Variants in GALNT13 observed in about 807,000 individuals in gnomAD.
GALNT13 encodes the protein polypeptide N-acetylgalactosaminyltransferase 13.
In GALNT13, 28 loss-of-function variants were observed where a neutral mutation model predicts 64.2. The ratio of observed to expected loss-of-function variants is 0.44; its 90% CI spans 0.32 to 0.60. The LOEUF (loss-of-function observed/expected upper bound fraction) is 0.60. Ranked by LOEUF, GALNT13 falls within the 20% of genes least tolerant of loss-of-function variation. The pLI, the probability that GALNT13 is intolerant of heterozygous loss-of-function variation, is 0.05. For missense variants in GALNT13, 577 were observed against 669.8 expected, an observed-to-expected ratio of 0.86 and a Z score of 1.53; for synonymous variants, 214 against 224.6, an observed-to-expected ratio of 0.95 and a Z score of 0.42.
At chr2:154,036,921 C>T (rs766043953) in intron 3 of GALNT13, among the ~76,000 whole-genome samples, 14 of 151,940 alleles carry the variant, frequency 9.2e-5, no homozygotes, top group Non-Finnish European at 1.5e-4. Context: ...AAAAATCTCC[C>T]CAAGTGATCC....
At chr2:153,757,262 A>G in the GALNT13 span, among the ~76,000 whole-genome samples, 1 of 152,148 alleles carries the variant, frequency 6.6e-6, no homozygotes, top group Non-Finnish European at 1.5e-5. Context: ...ATACAAGAAC[A>G]TGTGGCCTTT....
intron 12 of GALNT13, chr2:154,446,885 G>C (rs1559160114): frequency 1.0e-6 from 1 of 996,980 alleles, no homozygotes. Flanking sequence ...TCTCCATGGA[G>C]TTAACTCTCT....
At chr2:153,083,751 A>G in the GALNT13 span, among the ~76,000 whole-genome samples, 2 of 152,154 alleles carry the variant, frequency 1.3e-5, no homozygotes, top group African/African-American at 4.8e-5. Context: ...ATGAAGTCCC[A>G]TCTATTTACC....
chr2:153,698,643 G>T, the GALNT13 span, among the ~76,000 whole-genome samples: 2 of 152,008 alleles, frequency 1.3e-5, no homozygotes, highest in Non-Finnish European at 2.9e-5. Flanking sequence ...AATAACAGTG[G>T]GAGACTTTAA....
At chr2:153,229,981 T>G in the GALNT13 span, among the ~76,000 whole-genome samples, 1 of 152,218 alleles carries the variant, frequency 6.6e-6, no homozygotes, top group Non-Finnish European at 1.5e-5. Context: ...TGCTCCAGTT[T>G]TCTGAGGTTA....
the GALNT13 span, among the ~76,000 whole-genome samples, chr2:153,640,093 T>A: frequency 6.6e-6 from 1 of 152,148 alleles, no homozygotes; most frequent in Non-Finnish European, 1.5e-5. Flanking sequence ...CTAGTAATGG[T>A]GACATGGAGG....
At chr2:153,569,879 C>T in the GALNT13 span, among the ~76,000 whole-genome samples, 7 of 152,268 alleles carry the variant, frequency 4.6e-5, no homozygotes, top group East Asian at 1.2e-3. Flanking sequence ...CGTCCTTCTG[C>T]TCTCTATGTC....
At chr2:153,279,591 AG>A in the GALNT13 span, among the ~76,000 whole-genome samples, 6 of 45,342 alleles carry the variant, frequency 1.3e-4, no homozygotes, top group Non-Finnish European at 3.4e-4. Context: ...TTTTATTGAA[AG>A]ATTTTTTTCT....
chr2:153,650,676 A>T, the GALNT13 span, among the ~76,000 whole-genome samples: 1 of 152,212 alleles, frequency 6.6e-6, no homozygotes, highest in South Asian at 2.1e-4. Flanking sequence ...ACAAAATCTC[A>T]GCATTTGCTT....
At position 154,135,648 on chromosome 2, in the gene GALNT13, G is replaced by T. The variant is rs560047892; in HGVS notation, c.143-4689G>T. On this transcript the variant is annotated intron_variant, in intron 3 of 12. Transcript: ENST00000392825. ...AAATGGGCCAAAGCAAGTATATACTGAATCCCCTTATTTTATTAAGAATTA... is the reference window on the plus strand; with the variant it reads ...AAATGGGCCAAAGCAAGTATATACTTAATCCCCTTATTTTATTAAGAATTA... Among the ~76,000 whole-genome samples, 604 of 152,156 alleles carry T rather than the reference G, an allele frequency of 4.0e-3. 2 individuals are homozygous for T. The highest frequency in any genetic ancestry group is 6.8e-3 in the Non-Finnish European group (461 of 68,016).
the GALNT13 span, among the ~76,000 whole-genome samples, chr2:153,399,214 G>C: frequency 6.7e-6 from 1 of 149,348 alleles, no homozygotes; most frequent in East Asian, 2.0e-4. Context: ...TCTCAGGTTT[G>C]TCAAAGATCA....
chr2:153,989,941 T>C (rs931481721), intron 3 of GALNT13, among the ~76,000 whole-genome samples: 6 of 151,902 alleles, frequency 3.9e-5, no homozygotes, highest in African/African-American at 1.4e-4. Context: ...CCTTCAGAGA[T>C]AAAACAAAAC....
intron 9 of GALNT13, among the ~76,000 whole-genome samples, chr2:154,310,611 G>T (rs1234840069): frequency 3.9e-5 from 6 of 152,206 alleles, no homozygotes; most frequent in Non-Finnish European, 7.4e-5. Flanking sequence ...TTGATAAGCA[G>T]TTAGGTAGGT....
chr2:153,301,624 C>G, the GALNT13 span, among the ~76,000 whole-genome samples: 1 of 152,082 alleles, frequency 6.6e-6, no homozygotes, highest in African/African-American at 2.4e-5. Context: ...TGGTGTTGAA[C>G]AGTAGATCTC....
chr2:153,999,182 G>A lies in GALNT13; in HGVS notation c.142+54543G>A, dbSNP rs549150507. Among the ~76,000 whole-genome samples the A allele has an allele frequency of 7.2e-5, 11 of 151,892 alleles. 1 individual carries two copies. Among genetic ancestry groups the A allele is most frequent in the Admixed American group, 3.9e-4 (6 of 15,248 alleles). Reference sequence around the variant, plus strand: ...AGTTTACAGTAAGTAAAACAGCATGGCACTGGTACCAAAACAGATATATAG... The same window carrying A: ...AGTTTACAGTAAGTAAAACAGCATGACACTGGTACCAAAACAGATATATAG... On this transcript the variant is annotated intron_variant, in intron 3 of 12. Coordinates refer to ENST00000392825, the MANE Select transcript of GALNT13 (RefSeq NM_052917.4).
chr2:153,539,347 G>T, the GALNT13 span, among the ~76,000 whole-genome samples: 1 of 151,916 alleles, frequency 6.6e-6, no homozygotes, highest in Non-Finnish European at 1.5e-5. Context: ...TAGGTTGCCT[G>T]TTCACTCTGA....
chr2:153,249,699 A>G, the GALNT13 span, among the ~76,000 whole-genome samples: 1 of 152,324 alleles, frequency 6.6e-6, no homozygotes. Context: ...ATGGAACAGA[A>G]CAGAGACCTC....
intron 2 of GALNT13, among the ~76,000 whole-genome samples, chr2:153,910,635 G>C (rs1048401423): frequency 3.3e-5 from 5 of 152,012 alleles, no homozygotes; most frequent in Admixed American, 6.6e-5. Context: ...GTACGTTGTA[G>C]CTTTGTTCTT....
chr2:154,382,024 A>C (rs2105333509), intron 9 of GALNT13, among the ~76,000 whole-genome samples: 1 of 152,236 alleles, frequency 6.6e-6, no homozygotes, highest in Admixed American at 6.6e-5. Flanking sequence ...TTTGAATGCC[A>C]CAGCTATGAT....
Sources: allele counts gnomAD v4.1 joint callset (sites outside exome capture counted in the v4.1 genomes callset), GRCh38; gene constraint gnomAD v4.1.1; transcripts MANE v1.5; gene names NCBI Gene and HGNC (gene_info 2026-07-23, HGNC 2026-07-21).